Variants in FRMPD4 observed in about 807,000 individuals in gnomAD.
FRMPD4 encodes the protein FERM and PDZ domain containing 4.
Under a neutral mutation model 94.1 loss-of-function variants are expected in FRMPD4, and 22 were observed. That is an observed-to-expected ratio of 0.23 (90% CI 0.17 to 0.33). FRMPD4 has a LOEUF of 0.33. Ranked by LOEUF, FRMPD4 falls within the 10% of genes least tolerant of loss-of-function variation. The pLI is 1.00. For missense variants in FRMPD4, 1,111 were observed against 1,339.9 expected (o/e 0.83, Z 2.67); for synonymous variants, 631 against 548.6 (o/e 1.15, Z -2.10).
rs750824701 is a variant in FRMPD4, at chrX:11,857,706, G to T, written c.-160-7380G>T. Among the ~76,000 whole-genome samples the T allele has an allele frequency of 9.2e-4, 104 of 112,776 alleles. 1 individual carries two copies. Among genetic ancestry groups the T allele is most frequent in the South Asian group, 7.3e-3 (20 of 2,752 alleles). ...AGCAATCGCAACAAAAGCAAAAATT[G>T]ACCAATGGGATCTCATTAAACTAAA... is the stretch of plus-strand genomic sequence containing the variant. On this transcript the variant is annotated intron_variant, in intron 1 of 18. Transcript: ENST00000640291.
rs947821804 is a variant in FRMPD4, at chrX:12,084,055, T to G, written c.95+206037T>G. Among the ~76,000 whole-genome samples the G allele has an allele frequency of 5.0e-4, 55 of 109,676 alleles. No individual in the cohort carries two copies. The Admixed American group carries it at 5.4e-3, about 11-fold the overall frequency. ...TGGGAAGGCGTGATTGCTTTTGAAA[T>G]GTAAGGACATGAGATTTGGAGGGGC... On this transcript the variant is annotated intron_variant, in intron 3 of 18. Transcript: ENST00000640291.
intron 1 of FRMPD4, among the ~76,000 whole-genome samples, chrX:12,309,702 G>C (rs992127465): frequency 8.9e-6 from 1 of 112,369 alleles, no homozygotes; most frequent in Non-Finnish European, 1.9e-5. Flanking sequence ...AGATACTATA[G>C]CCTAATATCT....
intron 1 of FRMPD4, among the ~76,000 whole-genome samples, chrX:12,458,027 A>G (rs1473364925): frequency 8.9e-6 from 1 of 111,755 alleles, no homozygotes; most frequent in Admixed American, 9.5e-5. Flanking sequence ...GTACAATGTA[A>G]TTTATGGTGA....
At chrX:12,136,021 T>G (rs1031662209), upstream of FRMPD4, among the ~76,000 whole-genome samples, 1 of 110,775 alleles carries the variant, frequency 9.0e-6, no homozygotes, top group Non-Finnish European at 1.9e-5. Context: ...AAGAAGGCCT[T>G]TGTTGCCATC....
chrX:12,110,153 TA>T (rs1316633115), intron 3 of FRMPD4, among the ~76,000 whole-genome samples: 1 of 112,154 alleles, frequency 8.9e-6, no homozygotes, highest in East Asian at 2.8e-4. Flanking sequence ...TGATGAACTT[TA>T]ATGCAAAAAT....
chrX:12,322,314 G>A (rs943990714), intron 1 of FRMPD4, among the ~76,000 whole-genome samples: 2 of 111,291 alleles, frequency 1.8e-5, no homozygotes, highest in Admixed American at 9.6e-5. Flanking sequence ...AGAAACATCT[G>A]AATTATCTCC....
chrX:12,615,143 T>C (rs1361326526), intron 4 of FRMPD4, among the ~76,000 whole-genome samples: 1 of 112,579 alleles, frequency 8.9e-6, no homozygotes, highest in African/African-American at 3.2e-5. Context: ...ATGACTCCTA[T>C]ATCCAAAGGT....
intron 10 of FRMPD4, 77 bp from the exon 11 acceptor site, chrX:12,704,282 A>G: frequency 1.3e-6 from 1 of 781,874 alleles, no homozygotes; most frequent in Non-Finnish European, 1.8e-6. Flanking sequence ...TGTTCCAACA[A>G]ACATCAGAGC....
At chrX:12,479,697 A>G (rs2057658942) in intron 1 of FRMPD4, among the ~76,000 whole-genome samples, 1 of 107,720 alleles carries the variant, frequency 9.3e-6, no homozygotes, top group African/African-American at 3.4e-5. Flanking sequence ...ATAAGGTCCC[A>G]CTGTGTTGCC....
intron 1 of FRMPD4, among the ~76,000 whole-genome samples, chrX:12,243,397 C>T (rs1445293064): frequency 8.9e-6 from 1 of 112,471 alleles, no homozygotes; most frequent in Non-Finnish European, 1.9e-5. Context: ...GCAGTGCAAT[C>T]CACATCCTCT....
intron 2 of FRMPD4, among the ~76,000 whole-genome samples, chrX:12,609,056 T>C (rs980340362): frequency 8.9e-6 from 1 of 112,666 alleles, no homozygotes; most frequent in Non-Finnish European, 1.9e-5. Context: ...TATACTCATA[T>C]ACTGTATTCT....
At chrX:12,604,284 G>A (rs1413103746) in intron 2 of FRMPD4, among the ~76,000 whole-genome samples, 2 of 111,628 alleles carry the variant, frequency 1.8e-5, no homozygotes, top group East Asian at 5.6e-4. Flanking sequence ...GCTTGCCCCC[G>A]GCACTATGTT....
At chrX:11,945,644 G>T (rs979864530) in intron 3 of FRMPD4, among the ~76,000 whole-genome samples, 1 of 111,755 alleles carries the variant, frequency 8.9e-6, no homozygotes, top group African/African-American at 3.3e-5. Flanking sequence ...TGGTGGAAGG[G>T]TGAAGGAGGA....
At chrX:12,495,674 C>T (rs2057840887) in intron 1 of FRMPD4, among the ~76,000 whole-genome samples, 1 of 111,339 alleles carries the variant, frequency 9.0e-6, no homozygotes, top group Non-Finnish European at 1.9e-5. Context: ...CTCTCTGCTC[C>T]AGCATATCTG....
At chrX:11,843,757 A>T (rs2053555275) in intron 1 of FRMPD4, among the ~76,000 whole-genome samples, 1 of 109,524 alleles carries the variant, frequency 9.1e-6, no homozygotes, top group Non-Finnish European at 1.9e-5. Flanking sequence ...TGCTGTGTTC[A>T]CCAGGCTGAT....
At chrX:12,231,056 T>TATATAAAAAAA (rs2057000959) in intron 1 of FRMPD4, among the ~76,000 whole-genome samples, 2 of 68,257 alleles carry the variant, frequency 2.9e-5, no homozygotes, top group African/African-American at 1.1e-4. Context: ...ATAAAATATA[T>TATATAAAAAAA]ATATATATAT....
intron 1 of FRMPD4, among the ~76,000 whole-genome samples, chrX:12,427,065 G>A (rs1343017534): frequency 1.8e-5 from 2 of 111,232 alleles, no homozygotes; most frequent in South Asian, 7.6e-4. Flanking sequence ...ACAAGGTTTG[G>A]TACATTGTAA....
chrX:12,602,870 G>A (rs2059097373), intron 2 of FRMPD4, among the ~76,000 whole-genome samples: 1 of 112,030 alleles, frequency 8.9e-6, no homozygotes, highest in Non-Finnish European at 1.9e-5. Context: ...TACTTGACAC[G>A]TCTGGGCTCC....
At chrX:11,977,042 C>T (rs1371562479) in intron 3 of FRMPD4, among the ~76,000 whole-genome samples, 4 of 111,317 alleles carry the variant, frequency 3.6e-5, no homozygotes, top group Admixed American at 1.9e-4. Flanking sequence ...AGGAAACAGT[C>T]GGGTAAATTA....
Sources: allele counts gnomAD v4.1 joint callset (sites outside exome capture counted in the v4.1 genomes callset), GRCh38; gene constraint gnomAD v4.1.1; transcripts MANE v1.5; gene names NCBI Gene and HGNC (gene_info 2026-07-23, HGNC 2026-07-21).